SUPT6H: variants seen among roughly 807,000 people sequenced by gnomAD.
SUPT6H encodes the protein transcription elongation factor SPT6.
A neutral mutation model predicts 222.3 loss-of-function variants in SUPT6H; 11 were observed. The observed-to-expected ratio is 0.05, with a 90% CI of 0.03 to 0.08. SUPT6H has a LOEUF of 0.08. SUPT6H is among the 10% of genes least tolerant of loss of function. SUPT6H has a pLI of 1.00. For missense variants in SUPT6H, 1,422 were observed against 2,216.0 expected (o/e 0.64, Z 7.19); for synonymous variants, 762 against 801.2 (o/e 0.95, Z 0.83).
At chr17:28,700,673 G>A (rs551284555) in intron 35 of SUPT6H, 161 bp downstream of exon 35, 2 of 1,042,498 alleles carry the variant, frequency 1.9e-6, no homozygotes, top group Non-Finnish European at 2.7e-6. Flanking sequence ...TGAAGGGGAA[G>A]AGGGTAAGAG....
Position 28,681,321 on chromosome 17 carries a change from G to A in SUPT6H, c.1415G>A (p.Gly472Asp). 6.2e-7 allele frequency: 1 copy of A among 1,613,932 alleles called. No individual in the cohort carries two copies. Among genetic ancestry groups the A allele is most frequent in the Non-Finnish European group, 8.5e-7 (1 of 1,179,984 alleles). The change falls in exon 12 of 37, where the codon GGC (glycine) becomes GAC (aspartate). Residue 472 changes from glycine to aspartate, a missense_variant. Physicochemically the swap from Gly to Asp is moderately conservative, Grantham distance 94 (BLOSUM62 -1). Around this residue, in one of 13 missense-constraint regions of SUPT6H, gnomAD observed 389 missense variants for 544.6 expected, o/e 0.71. Transcript: ENST00000314616. ...DVYNHFLLYYGRDIPKMQNAA... is the reference protein window; with the variant it reads ...DVYNHFLLYYDRDIPKMQNAA... ...TACAACCATTTTCTTCTTTATTATG[G>A]CCGAGACATCCCTAAGATGCAGAAC...
intron 26 of SUPT6H, 43 bp from the exon 27 acceptor site, chr17:28,690,876 CCA>C (rs1443966664): frequency 6.3e-7 from 1 of 1,596,778 alleles, no homozygotes; most frequent in Non-Finnish European, 8.6e-7. Flanking sequence ...GAAGTGCTCT[CCA>C]CATTCTCTGA....
At position 28,690,297 on chromosome 17, in the gene SUPT6H, A is replaced by G. The variant is rs1239911286; in HGVS notation, c.3490+68A>G. ...TTTACTGTGTACATTCAAACCAAGC[A>G]GCAGTTCCAACAGATTGAGGCAGGT... is the stretch of plus-strand genomic sequence containing the variant. On this transcript the variant is annotated intron_variant, in intron 26 of 36. Coordinates refer to ENST00000314616, the MANE Select transcript of SUPT6H (RefSeq NM_003170.5). 12 of 1,571,728 alleles carry G rather than the reference A, an allele frequency of 7.6e-6. No individual in the cohort carries two copies. In the Admixed American group the frequency reaches 1.9e-4, roughly 25 times the overall value.
intron 1 of SUPT6H, among the ~76,000 whole-genome samples, chr17:28,667,454 C>G (rs1232177841): frequency 6.6e-5 from 5 of 75,636 alleles, no homozygotes; most frequent in African/African-American, 2.2e-4. Flanking sequence ...TGTGTGTATA[C>G]ATATGTATGT....
At position 28,666,512 on chromosome 17, in the gene SUPT6H, C is replaced by T. The variant is rs532075457; in HGVS notation, c.-32+4170C>T. Among the ~76,000 whole-genome samples, 44 of 152,164 alleles carry T rather than the reference C, an allele frequency of 2.9e-4. 1 individual carries two copies. Among genetic ancestry groups the T allele is most frequent in the African/African-American group, 1.0e-3 (43 of 41,508 alleles). ...CAGTTGTACTCTTCTTTAGCCCTTA[C>T]CCTGTTTCTCTAAAGAAATGTGGAA... On this transcript the variant is annotated intron_variant, in intron 1 of 36. Coordinates refer to ENST00000314616, the MANE Select transcript of SUPT6H (RefSeq NM_003170.5).
At chr17:28,693,904 T>C in intron 28 of SUPT6H, 68 bp downstream of exon 28, 2 of 1,601,528 alleles carry the variant, frequency 1.2e-6, no homozygotes, top group Non-Finnish European at 1.7e-6. Context: ...TCTTTAACTT[T>C]GGGCTGTCCC....
At chr17:28,667,467 A>G (rs1158914270) in intron 1 of SUPT6H, among the ~76,000 whole-genome samples, 1 of 135,380 alleles carries the variant, frequency 7.4e-6, no homozygotes, top group South Asian at 2.4e-4. Context: ...ATGTATGTAT[A>G]TGTGTATATA....
At position 28,686,808 on chromosome 17, in the gene SUPT6H, C is replaced by T; in HGVS notation, c.2700+19C>T. 1 of 1,570,776 alleles carries T rather than the reference C, an allele frequency of 6.4e-7. No individual in the cohort carries two copies. Among genetic ancestry groups the T allele is most frequent in the South Asian group, 1.2e-5 (1 of 83,182 alleles). ...GTCAGAGGTAATGCTGGAGCCTCAC[C>T]CTTAGGGCCTGCCCAGGCAAGTGCT... is the stretch of plus-strand genomic sequence containing the variant. On this transcript the variant is annotated intron_variant, in intron 21 of 36. Coordinates refer to ENST00000314616, the MANE Select transcript of SUPT6H (RefSeq NM_003170.5).
chr17:28,687,541 G>T, intron 23 of SUPT6H, 70 bp downstream of exon 23: 2 of 1,508,646 alleles, frequency 1.3e-6, no homozygotes, highest in Non-Finnish European at 1.8e-6. Flanking sequence ...TACTTTGTCA[G>T]TATAATTTGA....
At chr17:28,665,971 TA>T (rs1322851099) in intron 1 of SUPT6H, among the ~76,000 whole-genome samples, 3 of 152,192 alleles carry the variant, frequency 2.0e-5, no homozygotes, top group Non-Finnish European at 4.4e-5. Context: ...GTTCTACATT[TA>T]AAACCCTGCA....
At chr17:28,682,174 T>C in intron 13 of SUPT6H, 194 bp downstream of exon 13, 1 of 500,540 alleles carries the variant, frequency 2.0e-6, no homozygotes, top group Non-Finnish European at 3.6e-6. Flanking sequence ...TGGTTCAGCC[T>C]CTCCCTAATT....
chr17:28,672,476 C>T (rs760207609), intron 1 of SUPT6H, among the ~76,000 whole-genome samples: 3 of 151,700 alleles, frequency 2.0e-5, no homozygotes, highest in Non-Finnish European at 2.9e-5. Flanking sequence ...TGCAGTGGTG[C>T]AATCTCAGCT....
At chr17:28,667,564 A>G (rs541933610) in intron 1 of SUPT6H, among the ~76,000 whole-genome samples, 1 of 150,184 alleles carries the variant, frequency 6.7e-6, no homozygotes, top group Admixed American at 6.7e-5. Context: ...ATATGATACA[A>G]GACAACATGG....
At chr17:28,689,071 A>G in intron 24 of SUPT6H, 1 of 336,798 alleles carries the variant, frequency 3.0e-6, no homozygotes, top group Middle Eastern at 8.7e-4. Flanking sequence ...CAGTTTTTCT[A>G]AATTTTATTT....
chr17:28,689,708 C>A, intron 25 of SUPT6H, 147 bp downstream of exon 25: 1 of 819,266 alleles, frequency 1.2e-6, no homozygotes, highest in South Asian at 1.8e-5. Flanking sequence ...CTCTACTGGG[C>A]TCCTCAAGGA....
chr17:28,700,010 T>TA, intron 33 of SUPT6H, 117 bp downstream of exon 33: 2 of 1,382,200 alleles, frequency 1.4e-6, no homozygotes, highest in South Asian at 2.4e-5. Flanking sequence ...GCAGCTGTCT[T>TA]ACTCCTCCTG....
intron 13 of SUPT6H, chr17:28,682,216 G>A (rs2031150706): frequency 2.2e-6 from 1 of 460,738 alleles, no homozygotes; most frequent in Non-Finnish European, 3.9e-6. Flanking sequence ...ATGATTGGAG[G>A]GAGAGAGTCC....
At chr17:28,664,593 C>T (rs555833463) in intron 1 of SUPT6H, among the ~76,000 whole-genome samples, 150 of 152,370 alleles carry the variant, frequency 9.8e-4, no homozygotes, top group African/African-American at 3.5e-3. Flanking sequence ...AGCCCCATGG[C>T]TTTAATTACC....
rs1369482481 is a variant in SUPT6H, at chr17:28,687,341, A to G, written c.2876A>G (p.Tyr959Cys). Reference protein sequence around the residue: ...VVKEELLNALYCEFINRVNEV... With the variant: ...VVKEELLNALCCEFINRVNEV... ...AAAGAGGAGCTGCTCAACGCCTTGT[A>G]CTGTGAATTTATCAACCGAGTCAAT... The change falls in exon 23 of 37, where the codon TAC (tyrosine) becomes TGC (cysteine). Residue 959 changes from tyrosine to cysteine, a missense_variant. Coordinates refer to ENST00000314616, the MANE Select transcript of SUPT6H (RefSeq NM_003170.5). The G allele has an allele frequency of 6.2e-7, 1 of 1,614,026 alleles. No individual in the cohort carries two copies. Among genetic ancestry groups the G allele is most frequent in the Non-Finnish European group, 8.5e-7 (1 of 1,180,028 alleles).
Sources: gnomAD v4.1 joint callset for allele counts (sites outside exome capture counted in the v4.1 genomes callset) on GRCh38, gnomAD v4.1.1 for gene constraint, gnomAD v4.1.1 regional missense constraint, MANE v1.5 for transcripts, NCBI Gene and HGNC (gene_info 2026-07-23, HGNC 2026-07-21) for gene names.